Variants in ZNF329 observed in about 807,000 individuals in gnomAD.
The protein encoded by ZNF329 is zinc finger protein 329.
ZNF329 carries 15 observed loss-of-function variants against 26.6 expected under a neutral mutation model. The ratio of observed to expected loss-of-function variants is 0.56; its 90% CI spans 0.38 to 0.87. ZNF329 has a LOEUF of 0.87. Ranked by LOEUF, ZNF329 falls within the 40% of genes least tolerant of loss-of-function variation. The pLI is 0.00. For synonymous variants in ZNF329, 239 were observed against 233.5 expected, an observed-to-expected ratio of 1.02 and a Z score of -0.21; for missense variants, 651 against 651.9, an observed-to-expected ratio of 1.00 and a Z score of 0.02.
intron 1 of ZNF329, among the ~76,000 whole-genome samples, chr19:58,147,413 G>A (rs2075341661): frequency 6.7e-6 from 1 of 149,752 alleles, no homozygotes; most frequent in African/African-American, 2.5e-5. Flanking sequence ...CCGTCCAGGA[G>A]GGAGGTGGGG....
chr19:58,142,201 G>A (rs757813699), intron 3 of ZNF329, among the ~76,000 whole-genome samples: 1 of 152,188 alleles, frequency 6.6e-6, no homozygotes, highest in East Asian at 1.9e-4. Context: ...ACAGAAAGTA[G>A]ATTAGAGATT....
chr19:58,148,391 T>TAAA (rs1241009357), intron 1 of ZNF329, among the ~76,000 whole-genome samples: 11 of 103,834 alleles, frequency 1.1e-4, no homozygotes, highest in South Asian at 3.0e-4. Context: ...AATGATCAAT[T>TAAA]AAAAAAAAAA....
intron 3 of ZNF329, among the ~76,000 whole-genome samples, chr19:58,136,248 A>G (rs2075064094): frequency 6.6e-6 from 1 of 152,008 alleles, no homozygotes; most frequent in Non-Finnish European, 1.5e-5. Flanking sequence ...AAAAGAAAAA[A>G]AAGAAAAGGA....
intron 1 of ZNF329, among the ~76,000 whole-genome samples, chr19:58,147,044 G>A (rs1241686979): frequency 2.0e-5 from 3 of 151,566 alleles, no homozygotes; most frequent in African/African-American, 7.3e-5. Flanking sequence ...CCTCTGCCTG[G>A]CTGCCCAGTC....
intron 1 of ZNF329, among the ~76,000 whole-genome samples, chr19:58,144,391 TATATA>T (rs1159242894): frequency 3.1e-4 from 35 of 111,876 alleles, no homozygotes; most frequent in African/African-American, 7.9e-4. Context: ...TATATATATA[TATATA>T]TTTTTTTTTT....
chr19:58,149,209 G>T (rs56203642), intron 1 of ZNF329, among the ~76,000 whole-genome samples: 11 of 152,134 alleles, frequency 7.2e-5, no homozygotes, highest in African/African-American at 2.7e-4. Flanking sequence ...AAAAATGGTA[G>T]GCATGAATAA....
intron 3 of ZNF329, among the ~76,000 whole-genome samples, chr19:58,134,189 A>G (rs1490980690): frequency 1.3e-5 from 2 of 152,232 alleles, no homozygotes; most frequent in African/African-American, 4.8e-5. Context: ...GGAGCCACGG[A>G]TGCTGCTAAA....
chr19:58,149,189 T>C (rs777263278), intron 1 of ZNF329, among the ~76,000 whole-genome samples: 7 of 152,238 alleles, frequency 4.6e-5, no homozygotes, highest in Non-Finnish European at 7.3e-5. Flanking sequence ...GAAGTTACCC[T>C]ATATGGCCTA....
intron 3 of ZNF329, among the ~76,000 whole-genome samples, chr19:58,134,440 T>C (rs965422753): frequency 6.6e-6 from 1 of 152,230 alleles, no homozygotes; most frequent in Non-Finnish European, 1.5e-5. Flanking sequence ...ATGGCCTTGA[T>C]GGGTCAGATA....
At chr19:58,131,083 T>G (rs1213467196) in intron 3 of ZNF329, among the ~76,000 whole-genome samples, 2 of 151,810 alleles carry the variant, frequency 1.3e-5, no homozygotes, top group African/African-American at 4.9e-5. Context: ...GTCTACATTC[T>G]AGGCAATTTA....
In ZNF329 at chr19:58,129,279, T is replaced by A; in HGVS notation, c.225A>T (p.Ala75=). 6.2e-7 allele frequency: 1 copy of A among 1,614,196 alleles called. No homozygotes were observed. The highest frequency in any genetic ancestry group is 8.5e-7 in the Non-Finnish European group (1 of 1,180,030). Residue 75 remains alanine (A), a synonymous_variant, in exon 4 of 4, where the codon GCA becomes GCT. Coordinates refer to ENST00000598312, the MANE Select transcript of ZNF329 (RefSeq NM_024620.4). ...TCTGAGACGGTGGAAGGTCTGAGCT[T>A]GCAATCAAATGCTCCCCAAAACCAG... ...EYPGFGEHLI[A]SSDLPPSQRV... is the part of the protein sequence containing the mutation.
chr19:58,147,659 C>T (rs552020395), intron 1 of ZNF329, among the ~76,000 whole-genome samples: 28 of 147,762 alleles, frequency 1.9e-4, no homozygotes, highest in South Asian at 8.4e-4. Flanking sequence ...GCCAGCCCCC[C>T]GCCCGGCCAG....
intron 1 of ZNF329, among the ~76,000 whole-genome samples, chr19:58,147,883 T>G (rs1163192497): frequency 6.6e-6 from 1 of 151,590 alleles, no homozygotes; most frequent in Admixed American, 6.5e-5. Flanking sequence ...CACCACCCCG[T>G]CTGGGAGGTG....
chr19:58,136,787 G>A (rs1023051264), intron 3 of ZNF329: 1 of 152,796 alleles, frequency 6.5e-6, no homozygotes, highest in African/African-American at 2.4e-5. Flanking sequence ...CTCCAAGGCT[G>A]CCCACAGATT....
chr19:58,128,882 A>G lies in ZNF329; in HGVS notation c.622T>C (p.Cys208Arg). 6.2e-7 allele frequency: 1 copy of G among 1,614,094 alleles called. No homozygotes were observed. The highest frequency in any genetic ancestry group is 8.5e-7 in the Non-Finnish European group (1 of 1,179,996). ...GAGTTCCGTTTGAAGCATTTGCCAC[A>G]TTCAGTACATCTATATTGTTTCTCT... ...PGEKQYRCTE[C>R]GKCFKRNSSL... is the part of the protein sequence containing the mutation. The change falls in exon 4 of 4, where the codon TGT becomes CGT. Residue 208 changes from cysteine (C) to arginine (R), a missense_variant. By Grantham distance (180) the Cys-to-Arg change is radical (BLOSUM62 -3). Coordinates refer to ENST00000598312, the MANE Select transcript of ZNF329 (RefSeq NM_024620.4).
intron 1 of ZNF329, among the ~76,000 whole-genome samples, chr19:58,146,916 A>G (rs1434143426): frequency 6.6e-6 from 1 of 151,840 alleles, no homozygotes. Flanking sequence ...TCCACCTCCC[A>G]GCCACCTGCC....
rs766882139 is a variant in ZNF329 at position 58,128,928 on chromosome 19, T to G, written c.576A>C (p.Glu192Asp). 1.9e-6 allele frequency: 3 copies of G among 1,614,036 alleles called. No homozygotes were observed. The highest frequency in any genetic ancestry group is 2.5e-6 in the Non-Finnish European group (3 of 1,180,040). Residue 192 changes from glutamate to aspartate, a missense_variant, in exon 4 of 4, where the codon GAA becomes GAC. Coordinates refer to ENST00000598312, the MANE Select transcript of ZNF329 (RefSeq NM_024620.4). ...NIFTLSSSLNENQRNLPGEKQ... is the reference protein window; with the variant it reads ...NIFTLSSSLNDNQRNLPGEKQ... ...TCTCTCCAGGGAGATTTCTCTGGTT[T>G]TCATTAAGCGATGAGCTCAGAGTAA... is the stretch of plus-strand genomic sequence containing the variant.
At chr19:58,146,381 G>C (rs924548322) in intron 1 of ZNF329, among the ~76,000 whole-genome samples, 13 of 152,020 alleles carry the variant, frequency 8.6e-5, no homozygotes, top group African/African-American at 2.7e-4. Context: ...GGCTGAGGCA[G>C]GAAAACCACT....
At chr19:58,140,414 CTTT>C (rs11436059) in intron 3 of ZNF329, among the ~76,000 whole-genome samples, 8 of 138,454 alleles carry the variant, frequency 5.8e-5, no homozygotes, top group East Asian at 2.1e-4. Context: ...AAAACTCTTT[CTTT>C]TTTTTTTTTT....
Sources: allele counts gnomAD v4.1 joint callset (sites outside exome capture counted in the v4.1 genomes callset), GRCh38; gene constraint gnomAD v4.1.1; transcripts MANE v1.5; gene names NCBI Gene and HGNC (gene_info 2026-07-23, HGNC 2026-07-21).